EXOC4: variants seen among roughly 807,000 people sequenced by gnomAD.
The protein encoded by EXOC4 is SEC8-like 1.
A neutral mutation model predicts 107.2 loss-of-function variants in EXOC4; 71 were observed. That is an observed-to-expected ratio of 0.66 (90% CI 0.55 to 0.81). The LOEUF is 0.81. EXOC4 is among the 30% of genes least tolerant of loss of function. EXOC4 has a pLI of 0.00. For missense variants in EXOC4, 1,108 were observed against 1,189.6 expected, an observed-to-expected ratio of 0.93 and a Z score of 1.01; for synonymous variants, 456 against 441.2, an observed-to-expected ratio of 1.03 and a Z score of -0.42.
chr7:133,419,308 G>A (rs1255204276), intron 7 of EXOC4, among the ~76,000 whole-genome samples: 1 of 151,892 alleles, frequency 6.6e-6, no homozygotes, highest in African/African-American at 2.4e-5. Flanking sequence ...GAGGAGGAAA[G>A]GAGACTCATG....
rs1232766777 is a variant in EXOC4 at position 133,436,583 on chromosome 7, A to G, written c.1183-38745A>G. On this transcript the variant is annotated intron_variant, in intron 7 of 17. Transcript: ENST00000253861. ...TACTTCTTTACTAAAGCCTAGAACC[A>G]TAGACTTCAGTTTTGGGGACCTGAT... Among the ~76,000 whole-genome samples, 3 of 152,064 alleles carry G rather than the reference A, an allele frequency of 2.0e-5. No individual in the cohort carries two copies. In the East Asian group the frequency reaches 5.8e-4, roughly 29 times the overall value.
At chr7:133,378,652 G>C (rs1444679722) in intron 7 of EXOC4, among the ~76,000 whole-genome samples, 1 of 152,072 alleles carries the variant, frequency 6.6e-6, no homozygotes, top group Non-Finnish European at 1.5e-5. Flanking sequence ...CCTATGATAA[G>C]TTAAGGATGC....
At chr7:133,909,677 G>A (rs1228661196) in intron 12 of EXOC4, among the ~76,000 whole-genome samples, 1 of 152,154 alleles carries the variant, frequency 6.6e-6, no homozygotes, top group Non-Finnish European at 1.5e-5. Context: ...TGAAACTGAT[G>A]TATTTTTAAA....
At chr7:133,428,013 A>G (rs1481500944) in intron 7 of EXOC4, among the ~76,000 whole-genome samples, 1 of 152,186 alleles carries the variant, frequency 6.6e-6, no homozygotes, top group Non-Finnish European at 1.5e-5. Flanking sequence ...CAAGAGTTTG[A>G]GAAATAGGGT....
intron 14 of EXOC4, among the ~76,000 whole-genome samples, chr7:133,969,577 T>C (rs1801153196): frequency 6.6e-6 from 1 of 152,198 alleles, no homozygotes; most frequent in Admixed American, 6.5e-5. Flanking sequence ...GTTTGTTAGT[T>C]TCCCTTCTAA....
At chr7:133,327,594 C>T (rs183421228) in intron 5 of EXOC4, among the ~76,000 whole-genome samples, 2,803 of 152,192 alleles carry the variant, frequency 0.018, 32 homozygotes, top group Non-Finnish European at 0.028. Context: ...AATTTCCCTC[C>T]AAACACTGCT....
rs978504024 is a variant in EXOC4 at position 133,787,959 on chromosome 7, A to T, written c.1515-29366A>T. 9.5e-3 allele frequency among the ~76,000 whole-genome samples: 130 copies of T among 13,756 alleles called. 2 individuals are homozygous for T. The highest frequency in any genetic ancestry group is 0.047 in the East Asian group (9 of 192). 9.0% of individuals were successfully genotyped at this position (13,756 alleles called of 152,430 possible). A position where few individuals can be genotyped will look rare whatever the true frequency, so the allele number is the denominator to read the frequency against. ...ACTTCTTCCCTGTGCATATATTTAT[A>T]TATTTATATATATATATATATATAT... On this transcript the variant is annotated intron_variant, in intron 10 of 17. Coordinates refer to ENST00000253861, the MANE Select transcript of EXOC4 (RefSeq NM_021807.4).
intron 9 of EXOC4, among the ~76,000 whole-genome samples, chr7:133,514,124 A>T (rs1287587959): frequency 6.6e-6 from 1 of 152,020 alleles, no homozygotes; most frequent in African/African-American, 2.4e-5. Flanking sequence ...CAATTTGATT[A>T]ATTTAGTTCT....
At chr7:133,428,603 C>G (rs1275473768) in intron 7 of EXOC4, among the ~76,000 whole-genome samples, 2 of 152,180 alleles carry the variant, frequency 1.3e-5, no homozygotes, top group Non-Finnish European at 2.9e-5. Flanking sequence ...TGCACAGACT[C>G]AATGCTTAGA....
chr7:133,938,420 A>C (rs1406811171), intron 14 of EXOC4, among the ~76,000 whole-genome samples: 1 of 152,242 alleles, frequency 6.6e-6, no homozygotes, highest in African/African-American at 2.4e-5. Context: ...TCAAGGGCAG[A>C]AACTGTCTCG....
At chr7:133,729,487 G>A (rs904647608) in intron 10 of EXOC4, among the ~76,000 whole-genome samples, 1 of 152,044 alleles carries the variant, frequency 6.6e-6, no homozygotes, top group Non-Finnish European at 1.5e-5. Flanking sequence ...AAAAGATACT[G>A]CCAGGTAAAT....
intron 7 of EXOC4, among the ~76,000 whole-genome samples, chr7:133,385,832 T>G (rs2150708036): frequency 6.6e-6 from 1 of 152,342 alleles, no homozygotes; most frequent in East Asian, 1.9e-4. Context: ...GACATTTTAC[T>G]TGAGAATCCG....
chr7:133,955,960 G>A (rs1288723041), intron 14 of EXOC4, among the ~76,000 whole-genome samples: 3 of 152,184 alleles, frequency 2.0e-5, no homozygotes, highest in African/African-American at 7.2e-5. Context: ...GGGCTTCCCA[G>A]GCCCCTGAGA....
At chr7:133,740,481 G>T (rs970902502) in intron 10 of EXOC4, among the ~76,000 whole-genome samples, 2 of 152,106 alleles carry the variant, frequency 1.3e-5, no homozygotes, top group African/African-American at 4.8e-5. Flanking sequence ...CACTGCTCAG[G>T]AGAGTCTCTG....
chr7:134,019,483 C>T (rs1184625023), intron 17 of EXOC4, among the ~76,000 whole-genome samples: 2 of 151,528 alleles, frequency 1.3e-5, no homozygotes, highest in Non-Finnish European at 2.9e-5. Flanking sequence ...ATTATAATTA[C>T]TGTTATATAA....
At chr7:133,854,038 G>A (rs1798296224) in intron 11 of EXOC4, among the ~76,000 whole-genome samples, 2 of 152,154 alleles carry the variant, frequency 1.3e-5, no homozygotes, top group Admixed American at 6.5e-5. Flanking sequence ...AGTGGATGTG[G>A]TGCCCAGAGG....
chr7:133,551,403 A>G (rs558136107), intron 9 of EXOC4, among the ~76,000 whole-genome samples: 12 of 152,090 alleles, frequency 7.9e-5, no homozygotes, highest in Admixed American at 2.0e-4. Context: ...GGATAGATTC[A>G]TCATGTTATT....
chr7:134,068,183 A>C (rs1796212864), downstream of EXOC4, among the ~76,000 whole-genome samples: 1 of 152,178 alleles, frequency 6.6e-6, no homozygotes, highest in Non-Finnish European at 1.5e-5. Context: ...TCTGCTTTTC[A>C]TGACCTTTCC....
intron 9 of EXOC4, among the ~76,000 whole-genome samples, chr7:133,502,001 T>C (rs942771600): frequency 3.3e-5 from 5 of 152,122 alleles, no homozygotes; most frequent in African/African-American, 9.7e-5. Flanking sequence ...TAGAGAAGCA[T>C]TTTCATGCAC....
Sources: gnomAD v4.1 joint callset for allele counts (sites outside exome capture counted in the v4.1 genomes callset) on GRCh38, gnomAD v4.1.1 for gene constraint, MANE v1.5 for transcripts, NCBI Gene and HGNC (gene_info 2026-07-23, HGNC 2026-07-21) for gene names.